Variants in FAM81A observed in about 807,000 individuals in gnomAD.
FAM81A encodes family with sequence similarity 81 member A.
In FAM81A, 19 loss-of-function variants were observed where a neutral mutation model predicts 46.7. The observed-to-expected ratio is 0.41, with a 90% CI of 0.28 to 0.60. FAM81A has a LOEUF of 0.60. Among genes scored for constraint, FAM81A ranks in the 20% least tolerant of loss-of-function variants. The pLI is 0.34. For missense variants in FAM81A, 377 were observed against 453.5 expected, an observed-to-expected ratio of 0.83 and a Z score of 1.53; for synonymous variants, 183 against 152.9, an observed-to-expected ratio of 1.20 and a Z score of -1.45.
At chr15:59,434,821 A>G (rs2081235944), upstream of FAM81A, among the ~76,000 whole-genome samples, 1 of 152,186 alleles carries the variant, frequency 6.6e-6, no homozygotes, top group African/African-American at 2.4e-5. Flanking sequence ...CCTTGGCCCA[A>G]CTGCTTTCCA....
At chr15:59,482,841 CTCA>C (rs2081870924) in intron 3 of FAM81A, among the ~76,000 whole-genome samples, 1 of 152,208 alleles carries the variant, frequency 6.6e-6, no homozygotes, top group Admixed American at 6.5e-5. Context: ...CCAGCGCCTT[CTCA>C]TCAGTGGGAG....
intron 1 of FAM81A, among the ~76,000 whole-genome samples, chr15:59,452,982 T>C (rs1265963913): frequency 1.3e-5 from 2 of 152,172 alleles, no homozygotes; most frequent in African/African-American, 2.4e-5. Context: ...AGGCTGGTCT[T>C]GAACTCCTGG....
intron 2 of FAM81A, among the ~76,000 whole-genome samples, chr15:59,432,088 G>C (rs1293503496): frequency 6.6e-6 from 1 of 152,052 alleles, no homozygotes; most frequent in Non-Finnish European, 1.5e-5. Context: ...TTTAAGTACA[G>C]GCTATGTATT....
At chr15:59,519,187 C>T (rs1348339714) in intron 8 of FAM81A, among the ~76,000 whole-genome samples, 3 of 151,636 alleles carry the variant, frequency 2.0e-5, no homozygotes, top group African/African-American at 7.3e-5. Flanking sequence ...TTTTGACTTT[C>T]TTTCTTTTCT....
At chr15:59,441,895 G>A (rs1299630570) in intron 1 of FAM81A, among the ~76,000 whole-genome samples, 3 of 152,178 alleles carry the variant, frequency 2.0e-5, no homozygotes, top group Non-Finnish European at 4.4e-5. Flanking sequence ...GCCCGCAGTA[G>A]TATTTAAAGA....
In FAM81A at chr15:59,420,154, T is replaced by A. The variant is rs537742486; in HGVS notation, c.-78+17796T>A. 3.9e-5 allele frequency among the ~76,000 whole-genome samples: 6 copies of A among 152,254 alleles called. No individual in the cohort carries two copies. The East Asian group carries it at 1.2e-3, about 29-fold the overall frequency. ...TGCCATCTAAGAAGCAGGGCAAAAA[T>A]GTTCCTGCTAGGAAATTACAATTCA... On this transcript the variant is annotated intron_variant, in intron 2 of 4. Transcript: ENST00000558348.
At position 59,450,182 on chromosome 15, in the gene FAM81A, G is replaced by A. The variant is rs186031795; in HGVS notation, c.-77-8368G>A. 1.6e-3 allele frequency among the ~76,000 whole-genome samples: 235 copies of A among 148,356 alleles called. 2 individuals are homozygous for A. The highest frequency in any genetic ancestry group is 5.5e-3 in the African/African-American group (221 of 40,172). On this transcript the variant is annotated intron_variant, in intron 1 of 8. Transcript: ENST00000288228. ...CTGGGTTCAAGCCATCTGCCGCCTC[G>A]GCCTCCCAAAGGGCTGGGATTACAG... is the stretch of plus-strand genomic sequence containing the variant.
At chr15:59,430,351 G>C (rs1033725868) in intron 2 of FAM81A, among the ~76,000 whole-genome samples, 1 of 131,016 alleles carries the variant, frequency 7.6e-6, no homozygotes, top group East Asian at 2.6e-4. Context: ...TGCAACCTCC[G>C]CCTCCCGGGT....
chr15:59,405,939 C>T (rs1253334535), intron 2 of FAM81A, among the ~76,000 whole-genome samples: 1 of 152,216 alleles, frequency 6.6e-6, no homozygotes, highest in East Asian at 1.9e-4. Context: ...AACAGTCAGT[C>T]ACCTAGGGTC....
intron 8 of FAM81A, among the ~76,000 whole-genome samples, chr15:59,520,155 C>G (rs1480988504): frequency 1.3e-5 from 2 of 151,692 alleles, no homozygotes; most frequent in African/African-American, 4.8e-5. Flanking sequence ...TTTGTATTGC[C>G]CAAGACAATT....
intron 8 of FAM81A, among the ~76,000 whole-genome samples, chr15:59,519,610 C>T (rs959340740): frequency 6.7e-6 from 1 of 150,294 alleles, no homozygotes; most frequent in Non-Finnish European, 1.5e-5. Context: ...CCTCCCCTTC[C>T]CTTCTTCCTT....
intron 3 of FAM81A, among the ~76,000 whole-genome samples, chr15:59,470,670 A>G (rs150491187): frequency 0.012 from 1,831 of 152,198 alleles, 34 homozygotes; most frequent in African/African-American, 0.041. Context: ...AGCTCAGAGA[A>G]CTTTGTTATT....
intron 3 of FAM81A, among the ~76,000 whole-genome samples, chr15:59,461,402 C>A (rs956539109): frequency 6.6e-6 from 1 of 152,182 alleles, no homozygotes; most frequent in African/African-American, 2.4e-5. Flanking sequence ...CCTCCTGCAT[C>A]GGCGTCCCAA....
intron 2 of FAM81A, chr15:59,407,902 G>T: frequency 5.3e-6 from 1 of 188,800 alleles, no homozygotes; most frequent in South Asian, 9.6e-5. Context: ...TCCAAGGCCT[G>T]GGTGAACTGG....
chr15:59,500,314 T>A (rs2082077930), intron 4 of FAM81A, among the ~76,000 whole-genome samples: 1 of 152,160 alleles, frequency 6.6e-6, no homozygotes, highest in Non-Finnish European at 1.5e-5. Context: ...CTCTCTTTCC[T>A]TTGAGTTGGA....
intron 2 of FAM81A, among the ~76,000 whole-genome samples, chr15:59,422,035 T>C (rs752352855): frequency 8.5e-5 from 13 of 152,254 alleles, no homozygotes; most frequent in East Asian, 1.9e-4. Context: ...CAGGTGTTCA[T>C]TGTATTTTTT....
At chr15:59,506,606 A>G (rs1441491484) in intron 4 of FAM81A, among the ~76,000 whole-genome samples, 1 of 152,192 alleles carries the variant, frequency 6.6e-6, no homozygotes, top group African/African-American at 2.4e-5. Flanking sequence ...TTATGGGTCC[A>G]TTCTGTGACT....
At chr15:59,490,981 C>T (rs1447114991) in intron 3 of FAM81A, among the ~76,000 whole-genome samples, 1 of 152,170 alleles carries the variant, frequency 6.6e-6, no homozygotes, top group Admixed American at 6.5e-5. Context: ...TAAATTAGTA[C>T]AACCACTGTG....
intron 4 of FAM81A, among the ~76,000 whole-genome samples, chr15:59,503,903 G>T (rs1323960836): frequency 6.6e-6 from 1 of 152,130 alleles, no homozygotes; most frequent in Non-Finnish European, 1.5e-5. Context: ...AGAAATTTAT[G>T]TTATAGTACT....
Sources: gnomAD v4.1 joint callset for allele counts (sites outside exome capture counted in the v4.1 genomes callset) on GRCh38, gnomAD v4.1.1 for gene constraint, MANE v1.5 for transcripts, NCBI Gene and HGNC (gene_info 2026-07-23, HGNC 2026-07-21) for gene names.